SHANK2: variants seen among roughly 807,000 people sequenced by gnomAD.
SHANK2 encodes SH3 and multiple ankyrin repeat domains 2.
Under a neutral mutation model 133.7 loss-of-function variants are expected in SHANK2, and 43 were observed. The ratio of observed to expected loss-of-function variants is 0.32; its 90% confidence interval spans 0.25 to 0.41. SHANK2 has a LOEUF of 0.41. Ranked by LOEUF, SHANK2 falls within the 10% of genes least tolerant of loss-of-function variation. The pLI is 1.00. For synonymous variants in SHANK2, 1,017 were observed against 952.8 expected, an observed-to-expected ratio of 1.07 and a Z score of -1.24; for missense variants, 1,994 against 2,235.8, an observed-to-expected ratio of 0.89 and a Z score of 2.18.
At chr11:70,911,795 T>C (rs1950195230) in intron 10 of SHANK2, among the ~76,000 whole-genome samples, 1 of 151,932 alleles carries the variant, frequency 6.6e-6, no homozygotes, top group African/African-American at 2.4e-5. Flanking sequence ...GTAGAACTGG[T>C]CAGTGGCCAG....
At chr11:71,169,041 G>A (rs1555111695) in intron 2 of SHANK2, among the ~76,000 whole-genome samples, 1 of 152,088 alleles carries the variant, frequency 6.6e-6, no homozygotes, top group Admixed American at 6.5e-5. Context: ...TTCTTTAAAT[G>A]GCAAAAACTG....
At chr11:70,633,701 C>T (rs2061032108) in intron 17 of SHANK2, 1 of 152,182 alleles carries the variant, frequency 6.6e-6, no homozygotes, top group African/African-American at 2.4e-5. Flanking sequence ...AGAGAGAGGC[C>T]CCTGGGTGAC....
intron 17 of SHANK2, among the ~76,000 whole-genome samples, chr11:70,515,637 GAAAAA>G (rs58440823): frequency 1.0e-4 from 8 of 79,960 alleles, no homozygotes; most frequent in Admixed American, 3.5e-4. Context: ...CTCGTTCCTT[GAAAAA>G]AAAAAAAAAA....
chr11:70,857,772 C>T (rs1949194371), intron 11 of SHANK2, among the ~76,000 whole-genome samples: 1 of 152,210 alleles, frequency 6.6e-6, no homozygotes, highest in Non-Finnish European at 1.5e-5. Context: ...CACATGACAT[C>T]ACGAAGACAC....
chr11:70,710,074 C>T (rs1945747770), intron 14 of SHANK2, among the ~76,000 whole-genome samples: 1 of 152,102 alleles, frequency 6.6e-6, no homozygotes, highest in African/African-American at 2.4e-5. Context: ...TAGGCGCTCT[C>T]CCAGATCAAA....
intron 15 of SHANK2, among the ~76,000 whole-genome samples, chr11:70,696,830 C>T (rs1243588211): frequency 2.0e-5 from 3 of 152,194 alleles, no homozygotes. Flanking sequence ...GCAATCAATA[C>T]CATTCACAAC....
rs1381837436 is a variant in SHANK2, at chr11:70,739,060, G to A, written c.1778-40297C>T. 1.3e-5 allele frequency among the ~76,000 whole-genome samples: 2 copies of A among 152,186 alleles called. No homozygotes were observed. The highest frequency in any genetic ancestry group is 4.8e-5 in the African/African-American group (2 of 41,452). On this transcript the variant is annotated intron_variant, in intron 14 of 25. Coordinates refer to ENST00000601538, the MANE Select transcript of SHANK2 (RefSeq NM_012309.5). The surrounding 1 kb of genome is among the most constrained non-coding windows in gnomAD (Gnocchi z 4.3). ...GGTGAGTTTCTCCAGCCAAGATGCTGCATATCCCACCATCTGGCCCCATTG... is the reference window on the plus strand; with the variant it reads ...GGTGAGTTTCTCCAGCCAAGATGCTACATATCCCACCATCTGGCCCCATTG...
At chr11:70,800,097 C>T (rs1336499585) in intron 13 of SHANK2, among the ~76,000 whole-genome samples, 1 of 152,096 alleles carries the variant, frequency 6.6e-6, no homozygotes, top group Non-Finnish European at 1.5e-5. Flanking sequence ...CATCACAGCG[C>T]ACTGCAGCCT....
intron 2 of SHANK2, among the ~76,000 whole-genome samples, chr11:71,222,535 C>G (rs978406984): frequency 2.0e-5 from 3 of 152,316 alleles, no homozygotes; most frequent in Admixed American, 6.5e-5. Context: ...CCCAGCTGGC[C>G]GGACGCAGGC....
intron 2 of SHANK2, among the ~76,000 whole-genome samples, chr11:71,165,590 GTCAAACCCTACAGCGAGA>G (rs1368209001): frequency 6.6e-5 from 10 of 152,112 alleles, no homozygotes; most frequent in Non-Finnish European, 1.5e-4. Flanking sequence ...GCGAAGCCTG[GTCAAACCCTACAGCGAGA>G]TCATTCATCC....
intron 1 of SHANK2, among the ~76,000 whole-genome samples, chr11:71,245,780 C>A (rs1471749612): frequency 6.6e-6 from 1 of 152,242 alleles, no homozygotes; most frequent in Non-Finnish European, 1.5e-5. Flanking sequence ...GCCAAAGTCC[C>A]CTGGTCCATG....
At chr11:70,817,072 C>T (rs1948414915) in intron 12 of SHANK2, among the ~76,000 whole-genome samples, 1 of 152,258 alleles carries the variant, frequency 6.6e-6, no homozygotes, top group African/African-American at 2.4e-5. Context: ...AGGGACAGAA[C>T]ACAACAGTGG....
rs2135641775 is a variant in SHANK2, at chr11:70,469,386, T to C, written c.*3483A>G. On this transcript the variant is annotated 3_prime_UTR_variant, in exon 26 of 26. Transcript: ENST00000601538. ...GATTGCAAGTCGGGCAGCTTTTTGT[T>C]TAATTCAGACAGTGTTCACTGTTTG... 2 of 152,740 alleles carry C rather than the reference T, an allele frequency of 1.3e-5. 1 individual carries two copies. Among genetic ancestry groups the C allele is most frequent in the Admixed American group, 1.3e-4 (2 of 15,302 alleles). 9.5% of individuals were successfully genotyped at this position (152,740 alleles called of 1,614,324 possible).
intron 4 of SHANK2, among the ~76,000 whole-genome samples, chr11:71,115,176 G>T (rs1465893771): frequency 1.3e-5 from 2 of 152,048 alleles, no homozygotes; most frequent in African/African-American, 4.8e-5. Flanking sequence ...CTAAGTATCG[G>T]CATCAATTTT....
intron 17 of SHANK2, among the ~76,000 whole-genome samples, chr11:70,606,104 G>C (rs2060573575): frequency 6.6e-6 from 1 of 152,108 alleles, no homozygotes; most frequent in Non-Finnish European, 1.5e-5. Flanking sequence ...GCATGGCAGG[G>C]GGGCAGCTGG....
chr11:71,100,207 G>A (rs1469797682), intron 6 of SHANK2, among the ~76,000 whole-genome samples: 1 of 152,142 alleles, frequency 6.6e-6, no homozygotes, highest in Admixed American at 6.5e-5. Context: ...ACAGTTTGGC[G>A]AGTTGACACA....
chr11:70,554,026 G>A (rs575721181), intron 17 of SHANK2, among the ~76,000 whole-genome samples: 8 of 152,326 alleles, frequency 5.3e-5, no homozygotes, highest in African/African-American at 1.2e-4. Context: ...GTCGCTGACC[G>A]GACTGGCTGC....
intron 14 of SHANK2, among the ~76,000 whole-genome samples, chr11:70,780,198 T>C (rs1947451641): frequency 6.6e-6 from 1 of 152,244 alleles, no homozygotes; most frequent in Admixed American, 6.5e-5. Flanking sequence ...CACTAATAAA[T>C]TCCTTTCGTA....
At chr11:70,911,494 G>C (rs1381105293) in intron 10 of SHANK2, among the ~76,000 whole-genome samples, 1 of 152,112 alleles carries the variant, frequency 6.6e-6, no homozygotes, top group Non-Finnish European at 1.5e-5. Context: ...CTTAATTTTG[G>C]CTATTTGTGT....
Sources: allele counts gnomAD v4.1 joint callset (sites outside exome capture counted in the v4.1 genomes callset), GRCh38; gene constraint gnomAD v4.1.1; non-coding constraint Gnocchi (gnomAD v3.1); transcripts MANE v1.5; gene names NCBI Gene and HGNC (gene_info 2026-07-23, HGNC 2026-07-21).